HMGCLL1: variants seen among roughly 807,000 people sequenced by gnomAD.
HMGCLL1 encodes 3-hydroxymethyl-3-methylglutaryl-CoA lyase, cytoplasmic.
Under a neutral mutation model 39.1 loss-of-function variants are expected in HMGCLL1, and 36 were observed. The observed-to-expected ratio is 0.92, with a 90% CI of 0.71 to 1.22. HMGCLL1 has a LOEUF of 1.22. Among genes scored for constraint, HMGCLL1 ranks in the 50% most tolerant of loss-of-function variants. The probability of loss-of-function intolerance (pLI) is 0.00; values close to 1 mark genes in which losing one functional copy is unlikely to be tolerated. For missense variants in HMGCLL1, 451 were observed against 416.5 expected (o/e 1.08, Z -0.72); for synonymous variants, 149 against 144.0 (o/e 1.03, Z -0.25).
chr6:55,565,047 TA>T (rs1479740697), intron 1 of HMGCLL1, among the ~76,000 whole-genome samples: 1 of 152,044 alleles, frequency 6.6e-6, no homozygotes. Context: ...ATCTAGAACT[TA>T]ATTAATATAT....
At chr6:55,576,175 C>G (rs1217830612) in intron 1 of HMGCLL1, among the ~76,000 whole-genome samples, 2 of 152,106 alleles carry the variant, frequency 1.3e-5, no homozygotes, top group African/African-American at 4.8e-5. Flanking sequence ...CAATAGAAGT[C>G]TAACAAAAGC....
chr6:55,447,641 A>G (rs1763912605), intron 7 of HMGCLL1, among the ~76,000 whole-genome samples: 1 of 152,112 alleles, frequency 6.6e-6, no homozygotes, highest in African/African-American at 2.4e-5. Context: ...AATAATAAAT[A>G]CTATTAGCAA....
intron 5 of HMGCLL1, among the ~76,000 whole-genome samples, chr6:55,509,255 CTTGCTGCCCACT>C (rs1767317662): frequency 6.6e-6 from 1 of 151,890 alleles, no homozygotes; most frequent in Non-Finnish European, 1.5e-5. Context: ...TGGGCAGCTT[CTTGCTGCCCACT>C]TACAAGAATA....
chr6:55,623,666 C>T, the HMGCLL1 span, among the ~76,000 whole-genome samples: 1 of 148,732 alleles, frequency 6.7e-6, no homozygotes, highest in East Asian at 2.0e-4. Flanking sequence ...TATATATACA[C>T]AAACATATTA....
the HMGCLL1 span, among the ~76,000 whole-genome samples, chr6:55,633,422 A>G: frequency 2.6e-5 from 4 of 151,710 alleles, no homozygotes; most frequent in South Asian, 8.3e-4. Context: ...ATATAGATAA[A>G]TTAGCATAAC....
At chr6:55,647,281 C>G in the HMGCLL1 span, among the ~76,000 whole-genome samples, 52,886 of 151,480 alleles carry the variant, frequency 0.35, 9,587 homozygotes, top group African/African-American at 0.44. Context: ...TTCAGTCTAT[C>G]TGTATCTCTA....
intron 1 of HMGCLL1, among the ~76,000 whole-genome samples, chr6:55,560,994 C>A (rs1451794114): frequency 6.6e-6 from 1 of 152,130 alleles, no homozygotes; most frequent in Non-Finnish European, 1.5e-5. Flanking sequence ...AGTTAACAAA[C>A]AGGTTATAAG....
intron 1 of HMGCLL1, among the ~76,000 whole-genome samples, chr6:55,575,701 C>G (rs2090613503): frequency 6.6e-6 from 1 of 152,148 alleles, no homozygotes; most frequent in African/African-American, 2.4e-5. Flanking sequence ...TGTTGACAGC[C>G]TCCAGAAACC....
chr6:55,598,571 G>A, the HMGCLL1 span, among the ~76,000 whole-genome samples: 8 of 152,180 alleles, frequency 5.3e-5, no homozygotes, highest in Non-Finnish European at 1.2e-4. Context: ...TCTCCAAATA[G>A]CAAGCTTTTC....
chr6:55,659,209 A>G, the HMGCLL1 span, among the ~76,000 whole-genome samples: 1 of 151,882 alleles, frequency 6.6e-6, no homozygotes, highest in Non-Finnish European at 1.5e-5. Flanking sequence ...GTGGATAGAG[A>G]TGTCATTCCC....
In HMGCLL1 at chr6:55,462,695, T is replaced by A. The variant is rs200746323; in HGVS notation, c.796-23136A>T. On this transcript the variant is annotated intron_variant, in intron 7 of 8. Coordinates refer to ENST00000274901, the MANE Select transcript of HMGCLL1 (RefSeq NM_001042406.2). ...TTACCTGTGCTTAGGTAAGCTGCCA[T>A]AGAAAGGTCTAATAATTATTTTGAA... Among the ~76,000 whole-genome samples, 16 of 152,304 alleles carry A rather than the reference T, an allele frequency of 1.1e-4. No individual in the cohort carries two copies. In the East Asian group the frequency reaches 3.1e-3, roughly 29 times the overall value.
At chr6:55,563,563 T>C (rs1440541679) in intron 1 of HMGCLL1, among the ~76,000 whole-genome samples, 1 of 152,178 alleles carries the variant, frequency 6.6e-6, no homozygotes, top group African/African-American at 2.4e-5. Context: ...TTTTAAACTT[T>C]GTGAAAGTGT....
chr6:55,588,136 T>C, the HMGCLL1 span, among the ~76,000 whole-genome samples: 5 of 152,078 alleles, frequency 3.3e-5, no homozygotes, highest in Non-Finnish European at 7.4e-5. Flanking sequence ...TATTCCAAAA[T>C]TGACCACATA....
At chr6:55,448,475 A>G (rs1292772541) in intron 7 of HMGCLL1, among the ~76,000 whole-genome samples, 2 of 151,884 alleles carry the variant, frequency 1.3e-5, no homozygotes, top group African/African-American at 4.8e-5. Context: ...ATCCTCTATA[A>G]TAAATATATA....
chr6:55,540,351 A>T lies in HMGCLL1; in HGVS notation c.297+1378T>A, dbSNP rs184227320. The stretch of plus-strand genomic sequence containing the variant: ...TAATATGTTGAAATCCTAACCTGTA[A>T]TGTGATAATATTAAAAAGAAGGATC... On this transcript the variant is annotated intron_variant, in intron 3 of 8. Coordinates refer to ENST00000274901, the MANE Select transcript of HMGCLL1 (RefSeq NM_001042406.2). Among the ~76,000 whole-genome samples, 89 of 152,224 alleles carry T rather than the reference A, an allele frequency of 5.8e-4. No homozygotes were observed. The East Asian group carries it at 0.015, about 25-fold the overall frequency.
At chr6:55,650,090 C>CATATATATATATATAT in the HMGCLL1 span, among the ~76,000 whole-genome samples, 22 of 52,252 alleles carry the variant, frequency 4.2e-4, no homozygotes, top group Non-Finnish European at 5.8e-4. Context: ...CACACATATA[C>CATATATATATATATAT]ATATATATAT....
intron 5 of HMGCLL1, among the ~76,000 whole-genome samples, chr6:55,510,718 C>G (rs1483869937): frequency 6.6e-6 from 1 of 150,390 alleles, no homozygotes; most frequent in Non-Finnish European, 1.5e-5. Context: ...GTGCAGCACA[C>G]CAGCATGGCA....
At chr6:55,564,818 A>G (rs1033362844) in intron 1 of HMGCLL1, among the ~76,000 whole-genome samples, 2 of 148,132 alleles carry the variant, frequency 1.4e-5, no homozygotes, top group African/African-American at 5.0e-5. Flanking sequence ...ACAGAACAAA[A>G]GGAGAAGGTC....
In HMGCLL1 at chr6:55,579,020, G is replaced by A. The variant is rs1418788464; in HGVS notation, c.36C>T (p.Leu12=). ...GCTCCCGGAGAAGCTGCTGGTAGCT[G>A]AGGCAGTGCTTCACCGCGGATGGCA... ...GNVPSAVKHC[L]SYQQLLREHL... The change falls in exon 1 of 9, where the codon CTC becomes CTT. Residue 12 remains leucine (L), a synonymous_variant. Transcript: ENST00000274901. 1.9e-6 allele frequency: 3 copies of A among 1,613,244 alleles called. No homozygotes were observed. In the East Asian group the frequency reaches 6.7e-5, roughly 36 times the overall value.
Sources: allele counts gnomAD v4.1 joint callset (sites outside exome capture counted in the v4.1 genomes callset), GRCh38; gene constraint gnomAD v4.1.1; transcripts MANE v1.5; gene names NCBI Gene and HGNC (gene_info 2026-07-23, HGNC 2026-07-21).